USP39: variants seen among roughly 807,000 people sequenced by gnomAD.
USP39 encodes ubiquitin specific peptidase 39.
Under a neutral mutation model 66.4 loss-of-function variants are expected in USP39, and 38 were observed. The observed-to-expected ratio is 0.57, with a 90% CI of 0.44 to 0.75. USP39 has a LOEUF of 0.75. Among genes scored for constraint, USP39 ranks in the 30% least tolerant of loss-of-function variants. The pLI is 0.00. For synonymous variants in USP39, 303 were observed against 274.6 expected (o/e 1.10, Z -1.02); for missense variants, 608 against 714.4 (o/e 0.85, Z 1.70).
At chr2:85,611,754 G>A (rs369719783), upstream of USP39, 146 of 1,611,810 alleles carry the variant, frequency 9.1e-5, no homozygotes, top group Non-Finnish European at 1.2e-4. Context: ...CTTCTCCTTG[G>A]CCGCCTGCTT....
At chr2:85,617,637 G>C (rs896551905) in intron 1 of USP39, among the ~76,000 whole-genome samples, 1 of 152,176 alleles carries the variant, frequency 6.6e-6, no homozygotes, top group Non-Finnish European at 1.5e-5. Context: ...GCAACAGAGC[G>C]AGACCTCGTT....
At position 85,641,753 on chromosome 2, in the gene USP39, A is replaced by G. The variant is rs181232672; in HGVS notation, c.1427+635A>G. ...CCCATCTCTACAAAAAAATACAAAA[A>G]ATTAGCCAGATGTGGTGGTGCACAC... On this transcript the variant is annotated intron_variant, in intron 10 of 12. Transcript: ENST00000323701. 3.0e-3 allele frequency among the ~76,000 whole-genome samples: 461 copies of G among 151,970 alleles called. 1 individual carries two copies. The highest frequency in any genetic ancestry group is 0.01 in the African/African-American group (430 of 41,466).
upstream of USP39, among the ~76,000 whole-genome samples, chr2:85,613,320 A>G (rs1440006669): frequency 1.3e-5 from 2 of 152,292 alleles, no homozygotes; most frequent in Admixed American, 1.3e-4. Context: ...TAGCCTGGCC[A>G]AAATGGTGAA....
At position 85,616,467 on chromosome 2, in the gene USP39, C is replaced by G. The variant is rs1346745996; in HGVS notation, c.268+4C>G. 2 of 1,506,262 alleles carry G rather than the reference C, an allele frequency of 1.3e-6. No homozygotes were observed. Among genetic ancestry groups the G allele is most frequent in the African/African-American group, 1.4e-5 (1 of 70,072 alleles). The allele number at this position is 1,506,262 out of a possible 1,614,324, so 93.3% of individuals were successfully genotyped here. Reference sequence around the variant, plus strand: ...GAGCCTGAGCGGGAGGTGCGAGGTGCGCGGGGCCGGGCCGGGCTAGGCGCG... The same window carrying G: ...GAGCCTGAGCGGGAGGTGCGAGGTGGGCGGGGCCGGGCCGGGCTAGGCGCG... On this transcript the variant is annotated splice_donor_region_variant and intron_variant, in intron 1 of 12. Coordinates refer to ENST00000323701, the MANE Select transcript of USP39 (RefSeq NM_006590.4).
chr2:85,611,383 G>C (rs1673514974), upstream of USP39: 7 of 1,462,408 alleles, frequency 4.8e-6, no homozygotes, highest in Non-Finnish European at 6.3e-6. Context: ...TTGCTAGGTA[G>C]CGGAGCACCT....
chr2:85,646,306 G>T (rs1360223380), intron 11 of USP39: 1 of 152,220 alleles, frequency 6.6e-6, no homozygotes, highest in East Asian at 1.9e-4. Context: ...AGCCTCTTCT[G>T]GAACTGTGGG....
chr2:85,603,391 T>C (rs1558834312), intron 1 of USP39, among the ~76,000 whole-genome samples: 1 of 152,144 alleles, frequency 6.6e-6, no homozygotes, highest in Non-Finnish European at 1.5e-5. Flanking sequence ...CCATTCTAAA[T>C]AGACACATGT....
At chr2:85,613,698 C>T (rs894895647), upstream of USP39, among the ~76,000 whole-genome samples, 9 of 139,834 alleles carry the variant, frequency 6.4e-5, no homozygotes, top group East Asian at 2.5e-4. Flanking sequence ...CTATAGTGAC[C>T]GAGAGATCAG....
upstream of USP39, chr2:85,611,364 A>T: frequency 6.9e-7 from 1 of 1,446,258 alleles, no homozygotes; most frequent in Non-Finnish European, 9.0e-7. Context: ...GCTGTGCCAG[A>T]CTTTCTCTTT....
At chr2:85,641,546 A>G (rs890705352) in intron 10 of USP39, among the ~76,000 whole-genome samples, 27 of 152,194 alleles carry the variant, frequency 1.8e-4, no homozygotes, top group Non-Finnish European at 2.5e-4. Flanking sequence ...AACTTCTGCA[A>G]GATCCTTTTT....
upstream of USP39, chr2:85,612,277 C>T (rs527621302): frequency 1.3e-6 from 2 of 1,521,978 alleles, no homozygotes; most frequent in South Asian, 1.2e-5. Context: ...CGGCTTACAG[C>T]TGATACCAGA....
At chr2:85,624,295 T>C (rs1674684031) in intron 4 of USP39, among the ~76,000 whole-genome samples, 1 of 152,076 alleles carries the variant, frequency 6.6e-6, no homozygotes, top group Non-Finnish European at 1.5e-5. Context: ...TGATTATTAT[T>C]TTCCTTTTCA....
At chr2:85,613,572 A>G (rs1673715545), upstream of USP39, among the ~76,000 whole-genome samples, 1 of 152,222 alleles carries the variant, frequency 6.6e-6, no homozygotes, top group African/African-American at 2.4e-5. Context: ...AGCAATCCAA[A>G]GGAAGATCTG....
upstream of USP39, chr2:85,612,019 A>G: frequency 7.0e-7 from 1 of 1,421,950 alleles, no homozygotes; most frequent in Non-Finnish European, 9.3e-7. Context: ...CGCCGCCTCG[A>G]CGGCCCCAAC....
In USP39 at chr2:85,619,262, A is replaced by C; in HGVS notation, c.311A>C (p.His104Pro). 1 of 1,613,878 alleles carries C rather than the reference A, an allele frequency of 6.2e-7. No individual in the cohort carries two copies. The highest frequency in any genetic ancestry group is 8.5e-7 in the Non-Finnish European group (1 of 1,179,972). Residue 104 changes from histidine to proline, a missense_variant, in exon 2 of 13, where the codon CAC becomes CCC. Around this residue, in one of 6 missense-constraint regions of USP39, gnomAD observed 115 missense variants for 198.6 expected, o/e 0.58. Coordinates refer to ENST00000323701, the MANE Select transcript of USP39 (RefSeq NM_006590.4). ...RVDSEDRRSR[H>P]CPYLDTINRS... is the part of the protein sequence containing the mutation. Reference sequence around the variant, plus strand: ...GATTCTGAGGACCGGAGGAGCCGCCACTGCCCGTACCTGGACACCATTAAC... The same window carrying C: ...GATTCTGAGGACCGGAGGAGCCGCCCCTGCCCGTACCTGGACACCATTAAC...
At chr2:85,640,936 A>T in intron 9 of USP39, 40 bp from the exon 10 acceptor site, 1 of 1,570,804 alleles carries the variant, frequency 6.4e-7, no homozygotes, top group Non-Finnish European at 8.6e-7. Context: ...ATACTACTGA[A>T]CTTCAGCACT....
intron 5 of USP39, among the ~76,000 whole-genome samples, chr2:85,628,565 A>G (rs949842109): frequency 6.6e-6 from 1 of 152,184 alleles, no homozygotes; most frequent in Admixed American, 6.5e-5. Flanking sequence ...AAATGGATTA[A>G]CAAACCCTGT....
intron 4 of USP39, 108 bp downstream of exon 4, chr2:85,623,890 G>A: frequency 8.1e-7 from 1 of 1,238,304 alleles, no homozygotes; most frequent in Non-Finnish European, 1.1e-6. Flanking sequence ...GTCCCTTTAG[G>A]CATCGAGAGG....
chr2:85,615,609 G>A (rs1319086620), upstream of USP39, among the ~76,000 whole-genome samples: 1 of 152,116 alleles, frequency 6.6e-6, no homozygotes, highest in Non-Finnish European at 1.5e-5. Context: ...TGGTGGTTTC[G>A]AGGCACAAAT....
Sources: gnomAD v4.1 joint callset for allele counts (sites outside exome capture counted in the v4.1 genomes callset) on GRCh38, gnomAD v4.1.1 for gene constraint, gnomAD v4.1.1 regional missense constraint, MANE v1.5 for transcripts, NCBI Gene and HGNC (gene_info 2026-07-23, HGNC 2026-07-21) for gene names.